The following SEMA6D variants were observed in gnomAD, a reference collection of about 807,000 sequenced individuals.
The protein encoded by SEMA6D is semaphorin 6D.
A neutral mutation model predicts 106.6 loss-of-function variants in SEMA6D; 35 were observed. The ratio of observed to expected loss-of-function variants is 0.33; its 90% confidence interval spans 0.25 to 0.44. The LOEUF (loss-of-function observed/expected upper bound fraction) is 0.44. Among genes scored for constraint, SEMA6D ranks in the 20% least tolerant of loss-of-function variants. SEMA6D has a pLI of 1.00. For synonymous variants in SEMA6D, 499 were observed against 487.7 expected, an observed-to-expected ratio of 1.02 and a Z score of -0.31; for missense variants, 1,185 against 1,345.9, an observed-to-expected ratio of 0.88 and a Z score of 1.87.
At chr15:47,623,973 C>T (rs2077157125) in intron 4 of SEMA6D, among the ~76,000 whole-genome samples, 1 of 152,140 alleles carries the variant, frequency 6.6e-6, no homozygotes. Flanking sequence ...GAATCAAAGT[C>T]TAGGCTCCTG....
intron 3 of SEMA6D, among the ~76,000 whole-genome samples, chr15:47,556,823 GA>G (rs2045929671): frequency 6.6e-6 from 1 of 152,106 alleles, no homozygotes; most frequent in South Asian, 2.1e-4. Context: ...AGTAACTGGG[GA>G]TGGTGTTTTT....
intron 4 of SEMA6D, among the ~76,000 whole-genome samples, chr15:47,614,905 A>G (rs1192713486): frequency 6.6e-6 from 1 of 152,234 alleles, no homozygotes; most frequent in African/African-American, 2.4e-5. Context: ...TCTGGTGATT[A>G]AATGAGATAA....
intron 3 of SEMA6D, among the ~76,000 whole-genome samples, chr15:47,510,539 A>G (rs1235100443): frequency 6.6e-6 from 1 of 152,230 alleles, no homozygotes; most frequent in Non-Finnish European, 1.5e-5. Flanking sequence ...CCTTGCAGAG[A>G]TAAAGGAGAA....
intron 1 of SEMA6D, among the ~76,000 whole-genome samples, chr15:47,217,729 C>T (rs571127366): frequency 1.3e-5 from 2 of 151,672 alleles, no homozygotes; most frequent in African/African-American, 2.4e-5. Context: ...TGCCATTTTT[C>T]TGGATTTCAC....
intron 3 of SEMA6D, among the ~76,000 whole-genome samples, chr15:47,538,242 T>C (rs968215724): frequency 3.9e-5 from 6 of 152,284 alleles, no homozygotes; most frequent in African/African-American, 1.4e-4. Context: ...TGTTCAAATT[T>C]CCACTTCCTC....
chr15:47,497,591 C>A (rs1035970674), intron 3 of SEMA6D, among the ~76,000 whole-genome samples: 1 of 152,072 alleles, frequency 6.6e-6, no homozygotes, highest in Non-Finnish European at 1.5e-5. Context: ...TGATGGCAGA[C>A]ATCTCCCTAG....
At chr15:47,687,127 T>C (rs2078487361) in intron 4 of SEMA6D, among the ~76,000 whole-genome samples, 1 of 148,964 alleles carries the variant, frequency 6.7e-6, no homozygotes, top group African/African-American at 2.5e-5. Flanking sequence ...AAAAAGAACA[T>C]GGAAAACTTC....
intron 1 of SEMA6D, among the ~76,000 whole-genome samples, chr15:47,746,170 T>C (rs796246509): frequency 5.8e-4 from 88 of 152,352 alleles, no homozygotes; most frequent in African/African-American, 2.0e-3. Context: ...ATTTCACTTC[T>C]CTTCCTCTGG....
chr15:47,252,526 A>G (rs1364110140), intron 1 of SEMA6D, among the ~76,000 whole-genome samples: 1 of 152,074 alleles, frequency 6.6e-6, no homozygotes, highest in Non-Finnish European at 1.5e-5. Flanking sequence ...CTTTGTACCC[A>G]TTAACTTACC....
intron 4 of SEMA6D, among the ~76,000 whole-genome samples, chr15:47,625,697 T>TTAATAA (rs200573409): frequency 3.5e-4 from 53 of 150,128 alleles, no homozygotes; most frequent in Middle Eastern, 3.5e-3. Context: ...CTCAAAAATA[T>TTAATAA]TAATAATAAT....
intron 3 of SEMA6D, among the ~76,000 whole-genome samples, chr15:47,591,448 G>A (rs987176001): frequency 3.3e-5 from 5 of 152,150 alleles, no homozygotes; most frequent in Non-Finnish European, 5.9e-5. Context: ...AACTGCTGGG[G>A]CCTGGCTGTA....
chr15:47,214,383 A>G (rs1477438327), intron 1 of SEMA6D, among the ~76,000 whole-genome samples: 1 of 152,138 alleles, frequency 6.6e-6, no homozygotes, highest in Non-Finnish European at 1.5e-5. Flanking sequence ...ACAAGCAAAG[A>G]GAGATTTAAA....
At chr15:47,759,605 A>G (rs540942494) in intron 1 of SEMA6D, 140 bp from the exon 2 acceptor site, 1 of 592,144 alleles carries the variant, frequency 1.7e-6, no homozygotes, top group Admixed American at 2.9e-5. Context: ...GTTTTTGGCG[A>G]TACCTGATCT....
At chr15:47,702,636 A>G (rs2078835092) in intron 4 of SEMA6D, among the ~76,000 whole-genome samples, 2 of 152,226 alleles carry the variant, frequency 1.3e-5, no homozygotes, top group Admixed American at 1.3e-4. Flanking sequence ...TCAGTAGGTG[A>G]ATGGATAAAC....
At chr15:47,492,994 T>C (rs185691214) in intron 3 of SEMA6D, among the ~76,000 whole-genome samples, 1 of 152,154 alleles carries the variant, frequency 6.6e-6, no homozygotes, top group Admixed American at 6.5e-5. Context: ...GAAAAAAAAC[T>C]AAGAGCTTAC....
At chr15:47,742,765 G>C (rs1029893031) in intron 1 of SEMA6D, among the ~76,000 whole-genome samples, 4 of 152,284 alleles carry the variant, frequency 2.6e-5, no homozygotes, top group African/African-American at 9.6e-5. Flanking sequence ...AGTCCTGCTA[G>C]AACGCCTTTC....
intron 3 of SEMA6D, among the ~76,000 whole-genome samples, chr15:47,557,361 T>C (rs1056123742): frequency 6.6e-6 from 1 of 152,238 alleles, no homozygotes; most frequent in African/African-American, 2.4e-5. Context: ...GATTTTACTA[T>C]GTATTTAATT....
intron 3 of SEMA6D, among the ~76,000 whole-genome samples, chr15:47,562,124 G>T (rs2046098668): frequency 6.6e-6 from 1 of 151,976 alleles, no homozygotes; most frequent in Non-Finnish European, 1.5e-5. Flanking sequence ...AAAGTAGATA[G>T]TCAAGGAATA....
At chr15:47,238,244 C>T in intron 1 of SEMA6D, among the ~76,000 whole-genome samples, 1 of 152,020 alleles carries the variant, frequency 6.6e-6, no homozygotes, top group Non-Finnish European at 1.5e-5. Flanking sequence ...ACGCTGTAAA[C>T]TCGTCATTGG....
Sources: allele counts gnomAD v4.1 joint callset (sites outside exome capture counted in the v4.1 genomes callset), GRCh38; gene constraint gnomAD v4.1.1; transcripts MANE v1.5; gene names NCBI Gene and HGNC (gene_info 2026-07-23, HGNC 2026-07-21).